The following GXYLT2 variants were observed in gnomAD, a reference collection of about 807,000 sequenced individuals.
GXYLT2 encodes the protein glucoside xylosyltransferase 2, also known as glycosyltransferase 8 domain containing 4.
In GXYLT2, 53 loss-of-function variants were observed where a neutral mutation model predicts 45.8. The observed-to-expected ratio is 1.16, with a 90% confidence interval of 0.93 to 1.46. GXYLT2 has a LOEUF of 1.46. Ranked by LOEUF, GXYLT2 falls within the 40% of genes most tolerant of loss-of-function variation. GXYLT2 has a pLI of 0.00. For synonymous variants in GXYLT2, 219 were observed against 214.2 expected (o/e 1.02, Z -0.19); for missense variants, 551 against 544.4 (o/e 1.01, Z -0.12).
chr3:72,907,899 A>G (rs1709540844), intron 1 of GXYLT2: 1 of 157,240 alleles, frequency 6.4e-6, no homozygotes, highest in South Asian at 1.9e-4. Context: ...TTCCACCCCA[A>G]CCTAAAAACA....
intron 1 of GXYLT2, among the ~76,000 whole-genome samples, chr3:72,900,677 C>T (rs550929175): frequency 6.6e-6 from 1 of 152,158 alleles, no homozygotes; most frequent in African/African-American, 2.4e-5. Flanking sequence ...CTCGGCCTCC[C>T]AAAGTGCTGG....
intron 1 of GXYLT2, chr3:72,908,147 C>T: frequency 1.9e-6 from 1 of 515,384 alleles, no homozygotes; most frequent in South Asian, 2.5e-5. Context: ...CTATAGCAGT[C>T]CAAACAGTGA....
intron 2 of GXYLT2, among the ~76,000 whole-genome samples, chr3:72,911,066 C>T (rs925799730): frequency 3.3e-5 from 5 of 151,978 alleles, no homozygotes; most frequent in Admixed American, 2.0e-4. Flanking sequence ...CTGAGGCGGG[C>T]GGATCACCTG....
intron 5 of GXYLT2, among the ~76,000 whole-genome samples, chr3:72,966,635 G>GTT (rs35233279): frequency 1.1e-4 from 17 of 147,856 alleles, no homozygotes; most frequent in African/African-American, 2.2e-4. Context: ...TGGTTTGTTC[G>GTT]TTTTTTTTTG....
intron 5 of GXYLT2, among the ~76,000 whole-genome samples, chr3:72,967,221 A>T (rs1710882152): frequency 6.6e-6 from 1 of 152,238 alleles, no homozygotes; most frequent in African/African-American, 2.4e-5. Flanking sequence ...AAGTTAAGTG[A>T]CTAGACATGG....
At chr3:72,899,926 A>G (rs1400143647) in intron 1 of GXYLT2, among the ~76,000 whole-genome samples, 1 of 152,178 alleles carries the variant, frequency 6.6e-6, no homozygotes, top group Non-Finnish European at 1.5e-5. Flanking sequence ...ACTAGTGGCC[A>G]ACAGCATGGG....
At chr3:72,898,275 C>A (rs2107064025) in intron 1 of GXYLT2, among the ~76,000 whole-genome samples, 1 of 152,246 alleles carries the variant, frequency 6.6e-6, no homozygotes, top group East Asian at 1.9e-4. Flanking sequence ...GCTTTAAAGT[C>A]TTTCATGTTC....
chr3:72,888,444 C>A lies in GXYLT2; in HGVS notation c.211C>A (p.Arg71=). Residue 71 remains arginine (R), a synonymous_variant, in exon 1 of 7, where the codon CGG becomes AGG. Transcript: ENST00000389617. ...PGASPGVRRR[R]PPRPRPRAGR... is the part of the protein sequence containing the mutation. ...GGCCAGCCCGGGAGTTCGGAGGCGCCGGCCCCCGCGTCCGCGCCCCCGAGC... is the reference window on the plus strand; with the variant it reads ...GGCCAGCCCGGGAGTTCGGAGGCGCAGGCCCCCGCGTCCGCGCCCCCGAGC... The A allele has an allele frequency of 1.6e-5, 19 of 1,191,738 alleles. No homozygotes were observed. The highest frequency in any genetic ancestry group is 2.8e-5 in the South Asian group (1 of 35,984). 73.8% of individuals were successfully genotyped at this position (1,191,738 alleles called of 1,614,324 possible).
chr3:72,972,556 T>C (rs1711007003), intron 6 of GXYLT2, among the ~76,000 whole-genome samples: 2 of 149,036 alleles, frequency 1.3e-5, no homozygotes, highest in South Asian at 4.3e-4. Context: ...CAGGAGAATT[T>C]CTTGAACCCA....
intron 3 of GXYLT2, among the ~76,000 whole-genome samples, chr3:72,953,639 T>C (rs751315779): frequency 7.2e-4 from 110 of 152,178 alleles, no homozygotes; most frequent in Non-Finnish European, 1.4e-3. Context: ...CTGTTATCAG[T>C]GGCTGCTTTC....
Position 72,929,230 on chromosome 3 carries a change from G to A in GXYLT2, c.600+6895G>A, listed in dbSNP as rs746752651. On this transcript the variant is annotated intron_variant, in intron 3 of 6. Transcript: ENST00000389617. Reference sequence around the variant, plus strand: ...ACTTTCTTCACCAATCTCATGAGGAGAGGGAACATGCCGAGAAACTGATGA... The same window carrying A: ...ACTTTCTTCACCAATCTCATGAGGAAAGGGAACATGCCGAGAAACTGATGA... 1.7e-5 allele frequency: 26 copies of A among 1,562,818 alleles called. No homozygotes were observed. The African/African-American group carries it at 2.7e-4, about 16-fold the overall frequency.
At chr3:72,913,030 T>G (rs921220981) in intron 2 of GXYLT2, among the ~76,000 whole-genome samples, 6 of 150,138 alleles carry the variant, frequency 4.0e-5, no homozygotes, top group East Asian at 1.9e-4. Flanking sequence ...TCAGGTTTTT[T>G]TTTTGTTTTT....
chr3:72,897,282 A>C (rs1157845409), intron 1 of GXYLT2, among the ~76,000 whole-genome samples: 2 of 152,222 alleles, frequency 1.3e-5, no homozygotes, highest in Non-Finnish European at 2.9e-5. Flanking sequence ...AAGTGAAGCC[A>C]GGATTTCTAA....
At chr3:72,913,024 G>A (rs375874465) in intron 2 of GXYLT2, among the ~76,000 whole-genome samples, 1 of 145,220 alleles carries the variant, frequency 6.9e-6, no homozygotes, top group Non-Finnish European at 1.5e-5. Flanking sequence ...ATTTCCTCAG[G>A]TTTTTTTTTT....
chr3:72,931,525 G>A (rs780552789), intron 3 of GXYLT2, among the ~76,000 whole-genome samples: 3 of 151,970 alleles, frequency 2.0e-5, no homozygotes, highest in African/African-American at 2.4e-5. Flanking sequence ...CACCGCGCCC[G>A]GCCTAAGTAA....
intron 3 of GXYLT2, among the ~76,000 whole-genome samples, chr3:72,925,201 G>A (rs1709896721): frequency 6.8e-6 from 1 of 147,980 alleles, no homozygotes; most frequent in South Asian, 2.1e-4. Context: ...CTGTCGCCCA[G>A]GCTGGAGTGC....
intron 1 of GXYLT2, among the ~76,000 whole-genome samples, chr3:72,894,384 G>T (rs771651346): frequency 1.3e-5 from 2 of 152,242 alleles, no homozygotes. Context: ...CACCCAGGAA[G>T]TGAGCATCCA....
chr3:72,935,478 A>C (rs1710158243), intron 3 of GXYLT2, among the ~76,000 whole-genome samples: 1 of 152,232 alleles, frequency 6.6e-6, no homozygotes, highest in Non-Finnish European at 1.5e-5. Flanking sequence ...CAGAACAAGC[A>C]GACATAAATT....
At chr3:72,893,184 T>C (rs1709215810) in intron 1 of GXYLT2, among the ~76,000 whole-genome samples, 1 of 152,196 alleles carries the variant, frequency 6.6e-6, no homozygotes, top group Admixed American at 6.5e-5. Context: ...ACTTTAAGTT[T>C]CCCAGTGTGG....
Sources: allele counts gnomAD v4.1 joint callset (sites outside exome capture counted in the v4.1 genomes callset), GRCh38; gene constraint gnomAD v4.1.1; transcripts MANE v1.5; gene names NCBI Gene and HGNC (gene_info 2026-07-23, HGNC 2026-07-21).